Variants in EXOC4 observed in about 807,000 individuals in gnomAD.
EXOC4 encodes the protein SEC8-like 1.
A neutral mutation model predicts 107.2 loss-of-function variants in EXOC4; 71 were observed. The observed-to-expected ratio is 0.66, with a 90% CI of 0.55 to 0.81. The LOEUF is 0.81. EXOC4 is among the 30% of genes least tolerant of loss of function. The pLI, the probability that EXOC4 is intolerant of heterozygous loss-of-function variation, is 0.00. For synonymous variants in EXOC4, 456 were observed against 441.2 expected, an observed-to-expected ratio of 1.03 and a Z score of -0.42; for missense variants, 1,108 against 1,189.6, an observed-to-expected ratio of 0.93 and a Z score of 1.01.
the EXOC4 span, among the ~76,000 whole-genome samples, chr7:134,092,572 A>G: frequency 6.6e-6 from 1 of 152,216 alleles, no homozygotes; most frequent in Non-Finnish European, 1.5e-5. Context: ...TCTCAAAGAA[A>G]AGAAATTCCA....
chr7:134,098,024 C>G, the EXOC4 span, among the ~76,000 whole-genome samples: 1 of 152,198 alleles, frequency 6.6e-6, no homozygotes, highest in Non-Finnish European at 1.5e-5. Flanking sequence ...GGCACACACA[C>G]ATCCCAAGCA....
chr7:133,830,222 G>A (rs909543207), intron 11 of EXOC4, among the ~76,000 whole-genome samples: 1 of 152,130 alleles, frequency 6.6e-6, no homozygotes, highest in South Asian at 2.1e-4. Flanking sequence ...TTCGGAATTT[G>A]TTGTCCCCTT....
At chr7:133,612,072 T>TTAG (rs1331784533) in intron 9 of EXOC4, among the ~76,000 whole-genome samples, 3 of 152,184 alleles carry the variant, frequency 2.0e-5, no homozygotes, top group African/African-American at 7.2e-5. Flanking sequence ...TTTGTAATCT[T>TTAG]TAGTATTCAT....
chr7:133,869,068 A>G (rs1457235275), intron 11 of EXOC4, among the ~76,000 whole-genome samples: 3 of 139,050 alleles, frequency 2.2e-5, no homozygotes, highest in African/African-American at 8.2e-5. Context: ...CTTTCTAGTT[A>G]CCCTCCCTGA....
intron 17 of EXOC4, among the ~76,000 whole-genome samples, chr7:134,063,435 A>G (rs941363523): frequency 5.3e-5 from 8 of 152,224 alleles, no homozygotes; most frequent in African/African-American, 1.9e-4. Context: ...ACTTAGAGTC[A>G]GAAACCTGGG....
In EXOC4 at chr7:133,506,793, G is replaced by A. The variant is rs922138158; in HGVS notation, c.1417+26655G>A. On this transcript the variant is annotated intron_variant, in intron 9 of 17. Coordinates refer to ENST00000253861, the MANE Select transcript of EXOC4 (RefSeq NM_021807.4). ...TTGAAAATTTACCAACTTGATTAGA[G>A]TGTGTACCTGATTACTAGCCAGGTT... Among the ~76,000 whole-genome samples the A allele has an allele frequency of 6.0e-4, 91 of 151,998 alleles. 1 individual carries two copies. Among genetic ancestry groups the A allele is most frequent in the African/African-American group, 2.1e-3 (86 of 41,476 alleles).
chr7:133,605,828 G>A (rs1000815774), intron 9 of EXOC4, among the ~76,000 whole-genome samples: 1 of 152,100 alleles, frequency 6.6e-6, no homozygotes, highest in African/African-American at 2.4e-5. Flanking sequence ...CTGCTAGGGA[G>A]TATAGGTAGA....
chr7:133,575,128 T>C (rs1247957140), intron 9 of EXOC4, among the ~76,000 whole-genome samples: 1 of 152,186 alleles, frequency 6.6e-6, no homozygotes, highest in Non-Finnish European at 1.5e-5. Flanking sequence ...TATTCATTTT[T>C]TCTCGTCATT....
Position 133,796,496 on chromosome 7 carries a change from A to G in EXOC4, c.1515-20829A>G, listed in dbSNP as rs920593294. Among the ~76,000 whole-genome samples, 7 of 152,224 alleles carry G rather than the reference A, an allele frequency of 4.6e-5. 1 individual carries two copies. The South Asian group carries it at 1.5e-3, about 32-fold the overall frequency. The stretch of plus-strand genomic sequence containing the variant: ...TTTTGGCCGGGCGCGGTGGTGGCTC[A>G]CCCCTGTAATCCCAGCACTTTGGGA... On this transcript the variant is annotated intron_variant, in intron 10 of 17. Coordinates refer to ENST00000253861, the MANE Select transcript of EXOC4 (RefSeq NM_021807.4).
chr7:133,606,791 T>C (rs6953896), intron 9 of EXOC4, among the ~76,000 whole-genome samples: 3,564 of 152,098 alleles, frequency 0.023, 140 homozygotes, highest in African/African-American at 0.082. Context: ...GCTAGGATTA[T>C]AGGTGTGAGC....
At chr7:133,349,075 G>A (rs1305291294) in intron 5 of EXOC4, among the ~76,000 whole-genome samples, 1 of 151,738 alleles carries the variant, frequency 6.6e-6, no homozygotes, top group Admixed American at 6.6e-5. Flanking sequence ...AATAAAAATT[G>A]TGTAAGTGAT....
chr7:133,473,175 C>T (rs1193317134), intron 7 of EXOC4, among the ~76,000 whole-genome samples: 1 of 152,098 alleles, frequency 6.6e-6, no homozygotes, highest in Non-Finnish European at 1.5e-5. Flanking sequence ...GCCAAATATA[C>T]AGTATAATTT....
At chr7:134,019,430 A>G (rs1333953168) in intron 17 of EXOC4, among the ~76,000 whole-genome samples, 1 of 151,666 alleles carries the variant, frequency 6.6e-6, no homozygotes, top group African/African-American at 2.4e-5. Flanking sequence ...GATGATGATG[A>G]TGATGATGAT....
At chr7:133,977,982 G>C (rs567808789) in intron 14 of EXOC4, among the ~76,000 whole-genome samples, 2 of 152,304 alleles carry the variant, frequency 1.3e-5, no homozygotes, top group South Asian at 2.1e-4. Flanking sequence ...TTTGTACATA[G>C]TGAACTGTAA....
chr7:133,809,239 A>G lies in EXOC4; in HGVS notation c.1515-8086A>G, dbSNP rs114988787. ...TAATTCATTCATGATGGTGTCACAA[A>G]CAGTATGTCACCGTTTATTGCCAAT... On this transcript the variant is annotated intron_variant, in intron 10 of 17. Transcript: ENST00000253861. 2.4e-3 allele frequency among the ~76,000 whole-genome samples: 362 copies of G among 152,320 alleles called. 5 individuals carry two copies. The highest frequency in any genetic ancestry group is 8.1e-3 in the African/African-American group (338 of 41,560).
At chr7:133,861,587 T>G in intron 11 of EXOC4, among the ~76,000 whole-genome samples, 1 of 152,240 alleles carries the variant, frequency 6.6e-6, no homozygotes, top group Non-Finnish European at 1.5e-5. Flanking sequence ...CAGGCTGGAG[T>G]GCAGTGGCGT....
At chr7:134,029,685 A>G (rs1167626485) in intron 17 of EXOC4, among the ~76,000 whole-genome samples, 1 of 151,980 alleles carries the variant, frequency 6.6e-6, no homozygotes, top group Non-Finnish European at 1.5e-5. Context: ...ACTCTCAGCT[A>G]ATTTTTTAAA....
chr7:133,826,505 C>T (rs994543351), intron 11 of EXOC4, among the ~76,000 whole-genome samples: 7 of 152,148 alleles, frequency 4.6e-5, no homozygotes, highest in African/African-American at 1.7e-4. Context: ...GAGAATGACA[C>T]TTGCCCAGAC....
chr7:133,725,200 C>T (rs994790056), intron 10 of EXOC4, among the ~76,000 whole-genome samples: 36 of 152,008 alleles, frequency 2.4e-4, no homozygotes, highest in Non-Finnish European at 2.9e-4. Flanking sequence ...ATATGGCTAG[C>T]GTATTGGTCA....
Sources: allele counts gnomAD v4.1 joint callset (sites outside exome capture counted in the v4.1 genomes callset), GRCh38; gene constraint gnomAD v4.1.1; transcripts MANE v1.5; gene names NCBI Gene and HGNC (gene_info 2026-07-23, HGNC 2026-07-21).